DNA2: variants seen among roughly 807,000 people sequenced by gnomAD.
The protein encoded by DNA2 is DNA replication ATP-dependent helicase/nuclease DNA2.
A neutral mutation model predicts 119.1 loss-of-function variants in DNA2; 101 were observed. The ratio of observed to expected loss-of-function variants is 0.85; its 90% CI spans 0.72 to 1.00. The LOEUF (loss-of-function observed/expected upper bound fraction) is 1.00. DNA2 is among the 50% of genes least tolerant of loss of function. DNA2 has a pLI of 0.00. For synonymous variants in DNA2, 366 were observed against 424.4 expected, an observed-to-expected ratio of 0.86 and a Z score of 1.69; for missense variants, 1,121 against 1,255.5, an observed-to-expected ratio of 0.89 and a Z score of 1.62.
intron 17 of DNA2, among the ~76,000 whole-genome samples, chr10:68,420,715 T>C (rs1259011732): frequency 3.4e-5 from 5 of 147,096 alleles, no homozygotes; most frequent in Non-Finnish European, 7.5e-5. Context: ...TTTTTTTTTT[T>C]CTGAGACACC....
intron 6 of DNA2, among the ~76,000 whole-genome samples, chr10:68,447,335 T>C (rs545253270): frequency 1.3e-5 from 2 of 151,458 alleles, no homozygotes; most frequent in African/African-American, 4.8e-5. Flanking sequence ...CTGGCCAACA[T>C]AGTGAAACCC....
rs369206536 is a variant in DNA2 at position 68,465,802 on chromosome 10, G to A, written c.452C>T (p.Pro151Leu). 1.4e-5 allele frequency: 21 copies of A among 1,554,556 alleles called. No homozygotes were observed. Among genetic ancestry groups the A allele is most frequent in the African/African-American group, 4.1e-5 (3 of 72,592 alleles). The change falls in exon 4 of 21, where the codon CCA (proline) becomes CTA (leucine). Residue 151 changes from proline to leucine, a missense_variant. Physicochemically the swap from Pro to Leu is moderately conservative, Grantham distance 98 (BLOSUM62 -3). Coordinates refer to ENST00000358410, the MANE Select transcript of DNA2 (RefSeq NM_001080449.3). Reference protein sequence around the residue: ...VLSETFRSSDPATRQMLIGTV... With the variant: ...VLSETFRSSDLATRQMLIGTV... ...ACCAATTAGCATTTGGCGTGTGGCT[G>A]GATCAGAGCTCTACAAAAGCAAATC...
At chr10:68,451,207 A>T (rs2052113508) in intron 5 of DNA2, among the ~76,000 whole-genome samples, 1 of 152,068 alleles carries the variant, frequency 6.6e-6, no homozygotes, top group African/African-American at 2.4e-5. Flanking sequence ...TCAAAGCTTC[A>T]AAGGAGCTCA....
chr10:68,440,002 T>C (rs1343954775), intron 9 of DNA2, among the ~76,000 whole-genome samples: 1 of 150,622 alleles, frequency 6.6e-6, no homozygotes, highest in Admixed American at 6.6e-5. Context: ...AGATTCCATC[T>C]CAAAAAAAAA....
rs2052366868 is a variant in DNA2 at position 68,469,971 on chromosome 10, TA to T, written c.257+9del. 1 of 1,591,756 alleles carries T rather than the reference TA, an allele frequency of 6.3e-7. No individual in the cohort carries two copies. The highest frequency in any genetic ancestry group is 1.4e-5 in the African/African-American group (1 of 73,548). ...ATTCAAATCGGTGCTCAAAGTCACA[TA>T]AAAATTACCAGTCATTCCTAAGGAT... On this transcript the variant is annotated intron_variant, in intron 2 of 20. Transcript: ENST00000358410.
intron 6 of DNA2, among the ~76,000 whole-genome samples, chr10:68,448,051 CA>C (rs1374623245): frequency 1.3e-5 from 2 of 151,550 alleles, no homozygotes; most frequent in Non-Finnish European, 2.9e-5. Context: ...CTTAGATAAC[CA>C]AGAATTCTAT....
chr10:68,441,579 C>G (rs527849428), intron 9 of DNA2, among the ~76,000 whole-genome samples: 1 of 152,140 alleles, frequency 6.6e-6, no homozygotes, highest in South Asian at 2.1e-4. Context: ...AGTTCAAGAC[C>G]AGCCTGGCCA....
intron 17 of DNA2, among the ~76,000 whole-genome samples, chr10:68,421,875 T>C (rs9663959): frequency 0.28 from 42,353 of 151,858 alleles, 7,274 homozygotes; most frequent in African/African-American, 0.48. Context: ...AGTGCAGCAG[T>C]GTGATCTCAG....
At chr10:68,434,402 C>T (rs1272989888) in intron 10 of DNA2, among the ~76,000 whole-genome samples, 1 of 152,110 alleles carries the variant, frequency 6.6e-6, no homozygotes, top group Non-Finnish European at 1.5e-5. Context: ...AATGCTAGCA[C>T]TTCAGAAGGC....
At chr10:68,469,187 T>C (rs1237899537) in intron 2 of DNA2, among the ~76,000 whole-genome samples, 1 of 151,998 alleles carries the variant, frequency 6.6e-6, no homozygotes, top group Non-Finnish European at 1.5e-5. Flanking sequence ...CCTAAGAATG[T>C]CCATATGTTT....
At chr10:68,419,491 CAAAGAAAT>C in intron 18 of DNA2, 1 of 510,092 alleles carries the variant, frequency 2.0e-6, no homozygotes, top group Non-Finnish European at 3.4e-6. Context: ...ACACACAGTA[CAAAGAAAT>C]ACATTTCACC....
At chr10:68,446,807 GAC>G (rs2052046165) in intron 6 of DNA2, among the ~76,000 whole-genome samples, 1 of 152,138 alleles carries the variant, frequency 6.6e-6, no homozygotes. Flanking sequence ...AATTCATGGA[GAC>G]AGATAGTAGA....
chr10:68,449,882 C>T, intron 6 of DNA2, 146 bp downstream of exon 6: 1 of 615,224 alleles, frequency 1.6e-6, no homozygotes. Flanking sequence ...CATTGCACTC[C>T]AGCCTGGCAT....
intron 9 of DNA2, among the ~76,000 whole-genome samples, chr10:68,439,261 G>A (rs1321562314): frequency 6.6e-6 from 1 of 151,240 alleles, no homozygotes; most frequent in African/African-American, 2.4e-5. Context: ...GGGTGTGGTG[G>A]TGCATGCCTG....
At chr10:68,457,797 A>G (rs1188208142) in intron 5 of DNA2, among the ~76,000 whole-genome samples, 1 of 152,098 alleles carries the variant, frequency 6.6e-6, no homozygotes, top group Non-Finnish European at 1.5e-5. Context: ...ATGGCTAAAC[A>G]CAGTAAATAT....
intron 20 of DNA2, among the ~76,000 whole-genome samples, chr10:68,415,674 TG>T: frequency 6.6e-6 from 1 of 152,200 alleles, no homozygotes; most frequent in Admixed American, 6.5e-5. Flanking sequence ...TGTTTTGTTT[TG>T]TTTTGTTTTT....
chr10:68,434,079 A>C (rs1470592433), intron 10 of DNA2, among the ~76,000 whole-genome samples: 1 of 152,162 alleles, frequency 6.6e-6, no homozygotes, highest in African/African-American at 2.4e-5. Flanking sequence ...ATTTGGGACC[A>C]GCCTGGACAA....
At chr10:68,444,255 T>G (rs983283079) in intron 8 of DNA2, among the ~76,000 whole-genome samples, 1 of 151,860 alleles carries the variant, frequency 6.6e-6, no homozygotes, top group Non-Finnish European at 1.5e-5. Context: ...CTGGGTGCGG[T>G]GGCGAGCGCC....
chr10:68,415,518 C>T (rs192844805), intron 20 of DNA2, among the ~76,000 whole-genome samples: 2 of 152,180 alleles, frequency 1.3e-5, no homozygotes, highest in Non-Finnish European at 2.9e-5. Flanking sequence ...TCAGGTAGTC[C>T]GCCTGTCTCA....
Sources: allele counts gnomAD v4.1 joint callset (sites outside exome capture counted in the v4.1 genomes callset), GRCh38; gene constraint gnomAD v4.1.1; transcripts MANE v1.5; gene names NCBI Gene and HGNC (gene_info 2026-07-23, HGNC 2026-07-21).